The following FCER2 variants were observed in gnomAD, a reference collection of about 807,000 sequenced individuals.
The protein encoded by FCER2 is low affinity immunoglobulin epsilon Fc receptor.
In FCER2, 38 loss-of-function variants were observed where a neutral mutation model predicts 49.7. That is an observed-to-expected ratio of 0.76 (90% CI 0.59 to 1.00). The LOEUF (loss-of-function observed/expected upper bound fraction) is 1.00. Ranked by LOEUF, FCER2 falls within the 50% of genes least tolerant of loss-of-function variation. The pLI is 0.00. For synonymous variants in FCER2, 163 were observed against 164.6 expected (o/e 0.99, Z 0.07); for missense variants, 425 against 419.5 (o/e 1.01, Z -0.11).
intron 6 of FCER2, 76 bp downstream of exon 6, chr19:7,697,160 G>A (rs1271776852): frequency 1.2e-6 from 2 of 1,605,362 alleles, no homozygotes; most frequent in Non-Finnish European, 1.7e-6. Flanking sequence ...CCCCAGCCTC[G>A]TGGTTCCCCA....
At chr19:7,690,894 T>C (rs2032849016) in intron 8 of FCER2, among the ~76,000 whole-genome samples, 1 of 151,754 alleles carries the variant, frequency 6.6e-6, no homozygotes, top group Non-Finnish European at 1.5e-5. Context: ...CCACCACACA[T>C]TCATGTCCAA....
chr19:7,698,629 G>A (rs2033080112), intron 3 of FCER2, 112 bp downstream of exon 3: 1 of 1,437,348 alleles, frequency 7.0e-7, no homozygotes. Context: ...TGGGAAAATT[G>A]GGTTTTGAGA....
At chr19:7,690,357 C>CT in intron 9 of FCER2, 49 bp downstream of exon 9, 1 of 1,607,590 alleles carries the variant, frequency 6.2e-7, no homozygotes, top group Non-Finnish European at 8.5e-7. Context: ...GGTGGGGGTC[C>CT]CCCCACCCTC....
At chr19:7,699,453 G>A (rs2033104296) in intron 2 of FCER2, 9 of 1,464,860 alleles carry the variant, frequency 6.1e-6, no homozygotes, top group East Asian at 2.8e-5. Context: ...ACTCTATTGG[G>A]CTCCCCGCTC....
intron 3 of FCER2, 38 bp from the exon 4 acceptor site, chr19:7,698,447 T>C: frequency 4.0e-6 from 6 of 1,502,352 alleles, no homozygotes; most frequent in African/African-American, 1.4e-5. Flanking sequence ...AGAGGGGGGA[T>C]TGTCAGTGCC....
At chr19:7,695,546 C>A (rs142370808) in intron 8 of FCER2, among the ~76,000 whole-genome samples, 3 of 152,196 alleles carry the variant, frequency 2.0e-5, no homozygotes, top group African/African-American at 7.2e-5. Context: ...GAGGCCGAGG[C>A]GAGAGGATTG....
In FCER2 at chr19:7,698,282, C is replaced by T. The variant is rs538367583; in HGVS notation, c.190+74G>A. 140 of 1,078,708 alleles carry T rather than the reference C, an allele frequency of 1.3e-4. 1 individual carries two copies. In the South Asian group the frequency reaches 2.1e-3, roughly 16 times the overall value. The allele number at this position is 1,078,708 out of a possible 1,614,324, so 66.8% of individuals were successfully genotyped here. ...GTTCCTTAGCGAGGGGACACTGAGG[C>T]CCAGAGAGGAGCGGGATGAGTGCTG... is the stretch of plus-strand genomic sequence containing the variant. On this transcript the variant is annotated intron_variant, in intron 4 of 10. Coordinates refer to ENST00000597921, the MANE Select transcript of FCER2 (RefSeq NM_001220500.2).
rs1460526174 is a variant in FCER2 at position 7,699,796 on chromosome 19, C to T, written c.-36G>A. 5 of 1,609,922 alleles carry T rather than the reference C, an allele frequency of 3.1e-6. No individual in the cohort carries two copies. Among genetic ancestry groups the T allele is most frequent in the Non-Finnish European group, 4.3e-6 (5 of 1,176,402 alleles). Reference sequence around the variant, plus strand: ...CTTGGATTCTCCCGATGATGGAGCACTCACTCCCTGACAACGCAGTCCACT... The same window carrying T: ...CTTGGATTCTCCCGATGATGGAGCATTCACTCCCTGACAACGCAGTCCACT... On this transcript the variant is annotated 5_prime_UTR_variant, in exon 2 of 11. It adds an upstream start codon to the 5' untranslated region. Transcript: ENST00000597921.
chr19:7,699,533 G>A (rs1294644649), intron 2 of FCER2: 2 of 1,360,100 alleles, frequency 1.5e-6, no homozygotes, highest in East Asian at 5.3e-5. Flanking sequence ...ATCAGAAAAA[G>A]GAGGGGCCCT....
rs964854730 is a variant in FCER2 at position 7,697,431 on chromosome 19, G to A, written c.253+96C>T. On this transcript the variant is annotated intron_variant, in intron 5 of 10. Transcript: ENST00000597921. ...CAGTTTGCAGTTCCCGGGTGTCGGGGGTGGGGCACAGTGAGTCTTAATGCT... is the reference window on the plus strand; with the variant it reads ...CAGTTTGCAGTTCCCGGGTGTCGGGAGTGGGGCACAGTGAGTCTTAATGCT... 2.0e-6 allele frequency: 3 copies of A among 1,463,842 alleles called. No homozygotes were observed. The African/African-American group carries it at 4.2e-5, about 20-fold the overall frequency. 90.7% of individuals were successfully genotyped at this position (1,463,842 alleles called of 1,614,324 possible). A position where few individuals can be genotyped will look rare whatever the true frequency, so the allele number is the denominator to read the frequency against.
At position 7,697,065 on chromosome 19, in the gene FCER2, C is replaced by T. The variant is rs900894537; in HGVS notation, c.327G>A (p.Leu109=). Residue 109 remains leucine, a synonymous_variant, in exon 7 of 11, where the codon CTG becomes CTA. Coordinates refer to ENST00000597921, the MANE Select transcript of FCER2 (RefSeq NM_001220500.2). ...QQRLKSQDLE[L]SWNLNGLQAD... Reference sequence around the variant, plus strand: ...CTTGAAGCCCGTTCAGGTTCCAGGACAGCTCCAAGTCTGGTGTGTGCAGGA... The same window carrying T: ...CTTGAAGCCCGTTCAGGTTCCAGGATAGCTCCAAGTCTGGTGTGTGCAGGA... 6.2e-7 allele frequency: 1 copy of T among 1,613,234 alleles called. No individual in the cohort carries two copies.
chr19:7,697,746 T>C (rs2033056017), intron 4 of FCER2, among the ~76,000 whole-genome samples, 157 bp from the exon 5 acceptor site: 1 of 147,978 alleles, frequency 6.8e-6, no homozygotes, highest in Non-Finnish European at 1.5e-5. Context: ...CTCAGGAAGG[T>C]ATATGCAAGA....
chr19:7,699,905 A>T lies in FCER2; in HGVS notation c.-85-60T>A, dbSNP rs72558008. 1.7e-5 allele frequency: 13 copies of T among 773,010 alleles called. No individual in the cohort carries two copies. The East Asian group carries it at 3.2e-4, about 19-fold the overall frequency. 47.9% of individuals were successfully genotyped at this position (773,010 alleles called of 1,614,324 possible). ...ATCAAATCCTAGTTACCAGCACAGG[A>T]TAGCATCTGGGACTTGGTGGCACTC... On this transcript the variant is annotated intron_variant, in intron 1 of 10. Coordinates refer to ENST00000597921, the MANE Select transcript of FCER2 (RefSeq NM_001220500.2).
chr19:7,693,510 G>A (rs944872337), intron 8 of FCER2, among the ~76,000 whole-genome samples: 1 of 151,976 alleles, frequency 6.6e-6, no homozygotes, highest in African/African-American at 2.4e-5. Context: ...TACTTGGGAG[G>A]CTGAGGCAGG....
In FCER2 at chr19:7,696,046, G is replaced by A. The variant is rs1463325579; in HGVS notation, c.469+779C>T. 4.7e-5 allele frequency among the ~76,000 whole-genome samples: 7 copies of A among 149,568 alleles called. No homozygotes were observed. In the Admixed American group the frequency reaches 4.8e-4, roughly 10 times the overall value. ...CCTCCCGGGTTCAAGTGATTCTTGT[G>A]CCTCAGCCTCCCAAGTAGCTAGGAT... On this transcript the variant is annotated intron_variant, in intron 8 of 10. Transcript: ENST00000597921.
At chr19:7,695,485 GA>G (rs1297113134) in intron 8 of FCER2, among the ~76,000 whole-genome samples, 1 of 152,178 alleles carries the variant, frequency 6.6e-6, no homozygotes, top group African/African-American at 2.4e-5. Context: ...GTTGGAATCA[GA>G]AAGAAATTGC....
chr19:7,697,145 TG>T, intron 6 of FCER2, 70 bp from the exon 7 acceptor site: 9 of 1,606,374 alleles, frequency 5.6e-6, no homozygotes, highest in Middle Eastern at 1.7e-4. Context: ...CCCCCAAGCC[TG>T]GCCCCCCAGC....
At position 7,689,019 on chromosome 19, in the gene FCER2, G is replaced by T. The variant is rs756472702; in HGVS notation, c.*174C>A. The T allele has an allele frequency of 4.5e-5, 27 of 602,468 alleles. No individual in the cohort carries two copies. The highest frequency in any genetic ancestry group is 7.1e-5 in the Non-Finnish European group (24 of 337,186). 37.3% of individuals were successfully genotyped at this position (602,468 alleles called of 1,614,324 possible). A position where few individuals can be genotyped will look rare whatever the true frequency, so the allele number is the denominator to read the frequency against. On this transcript the variant is annotated 3_prime_UTR_variant, in exon 11 of 11. Coordinates refer to ENST00000597921, the MANE Select transcript of FCER2 (RefSeq NM_001220500.2). ...TTGGGGGCACTCCCATCTGGAGAGG[G>T]TGCTGTTGGGGTGTACTCCTGGGAA...
chr19:7,692,763 A>C (rs572612527), intron 8 of FCER2, among the ~76,000 whole-genome samples: 1 of 152,184 alleles, frequency 6.6e-6, no homozygotes, highest in East Asian at 1.9e-4. Context: ...CAATGCTTCA[A>C]CTGCTGACAC....
Sources: gnomAD v4.1 joint callset for allele counts (sites outside exome capture counted in the v4.1 genomes callset) on GRCh38, gnomAD v4.1.1 for gene constraint, MANE v1.5 for transcripts, NCBI Gene and HGNC (gene_info 2026-07-23, HGNC 2026-07-21) for gene names.